The following DPP6 variants were observed in gnomAD, a reference collection of about 807,000 sequenced individuals.
DPP6 encodes dipeptidyl peptidase like 6, also known as A-type potassium channel modulatory protein DPP6.
In DPP6, 69 loss-of-function variants were observed where a neutral mutation model predicts 122.6. The ratio of observed to expected loss-of-function variants is 0.56; its 90% CI spans 0.46 to 0.69. The LOEUF is 0.69. Among genes scored for constraint, DPP6 ranks in the 30% least tolerant of loss-of-function variants. The probability of loss-of-function intolerance (pLI) is 0.00; values close to 1 mark genes in which losing one functional copy is unlikely to be tolerated. For missense variants in DPP6, 928 were observed against 1,116.9 expected (o/e 0.83, Z 2.41); for synonymous variants, 418 against 433.1 (o/e 0.97, Z 0.43).
chr7:154,772,766 C>A, intron 9 of DPP6, 79 bp from the exon 10 acceptor site: 1 of 1,551,988 alleles, frequency 6.4e-7, no homozygotes, highest in Non-Finnish European at 8.7e-7. Flanking sequence ...CGGAATCTCC[C>A]AGGAAAGGCT....
At chr7:154,405,440 TA>T (rs5888574) in intron 1 of DPP6, among the ~76,000 whole-genome samples, 13,309 of 152,288 alleles carry the variant, frequency 0.087, 662 homozygotes, top group East Asian at 0.12. Flanking sequence ...CTTGTTACTA[TA>T]AAAGTATTAC....
At chr7:154,451,361 CAAAA>C (rs397890050) in intron 2 of DPP6, among the ~76,000 whole-genome samples, 10 of 122,142 alleles carry the variant, frequency 8.2e-5, no homozygotes, top group Admixed American at 2.5e-4. Context: ...CCTGTCTCAC[CAAAA>C]AAAAAAAAAA....
At position 153,992,218 on chromosome 7, in the gene DPP6, C is replaced by T. The variant is rs542781613; in HGVS notation, c.51+104484C>T. ...ACCTCCCAAATCTATAAGGCCACCT[C>T]TACTTTGCTCTCAGCTCTATCTGTT... is the stretch of plus-strand genomic sequence containing the variant. On this transcript the variant is annotated intron_variant, in intron 1 of 25. Coordinates refer to the DPP6 transcript ENST00000404039. Among the ~76,000 whole-genome samples, 4 of 152,250 alleles carry T rather than the reference C, an allele frequency of 2.6e-5. No homozygotes were observed. The South Asian group carries it at 8.3e-4, about 32-fold the overall frequency.
At chr7:154,102,681 A>G (rs557788928) in intron 1 of DPP6, among the ~76,000 whole-genome samples, 116 of 152,256 alleles carry the variant, frequency 7.6e-4, no homozygotes, top group African/African-American at 2.6e-3. Flanking sequence ...CATATTGATC[A>G]AAAAAATCAC....
chr7:153,952,999 AT>A (rs1434392291), intron 1 of DPP6, among the ~76,000 whole-genome samples: 3 of 152,210 alleles, frequency 2.0e-5, no homozygotes, highest in African/African-American at 2.4e-5. Context: ...TATGTCCTGT[AT>A]TACAATCTTA....
chr7:153,798,618 T>A, the DPP6 span, among the ~76,000 whole-genome samples: 3 of 152,214 alleles, frequency 2.0e-5, no homozygotes, highest in Non-Finnish European at 4.4e-5. Context: ...TGAAGATAAT[T>A]GTTCCATGGA....
chr7:153,971,614 G>A (rs534641139), intron 1 of DPP6, among the ~76,000 whole-genome samples: 85 of 133,606 alleles, frequency 6.4e-4, no homozygotes, highest in Non-Finnish European at 2.5e-4. Context: ...GAGTTCCTGG[G>A]TTATGGAAAA....
intron 2 of DPP6, among the ~76,000 whole-genome samples, chr7:154,471,683 C>A (rs1358701852): frequency 6.6e-6 from 1 of 152,050 alleles, no homozygotes; most frequent in Non-Finnish European, 1.5e-5. Context: ...AACCAAGAAC[C>A]ACAAAGCATC....
At chr7:154,144,062 CA>C (rs1181419225) in intron 1 of DPP6, among the ~76,000 whole-genome samples, 14 of 151,706 alleles carry the variant, frequency 9.2e-5, no homozygotes, top group Non-Finnish European at 2.1e-4. Context: ...ATTCTCAACA[CA>C]AGGCTTTATC....
At chr7:154,061,187 C>A (rs1801813213) in intron 1 of DPP6, among the ~76,000 whole-genome samples, 1 of 141,028 alleles carries the variant, frequency 7.1e-6, no homozygotes, top group East Asian at 1.9e-4. Context: ...GGATCCCAAA[C>A]TGCAGTATTA....
chr7:154,490,809 T>A (rs1824214158), intron 3 of DPP6, among the ~76,000 whole-genome samples: 2 of 152,222 alleles, frequency 1.3e-5, no homozygotes, highest in Non-Finnish European at 2.9e-5. Context: ...ATTCAGACCC[T>A]GAGCCTCTGC....
At chr7:154,648,712 G>A (rs955335653) in intron 6 of DPP6, among the ~76,000 whole-genome samples, 8 of 152,136 alleles carry the variant, frequency 5.3e-5, no homozygotes, top group Admixed American at 5.2e-4. Context: ...AAGGTCAAGA[G>A]ATCAAGACCA....
intron 1 of DPP6, among the ~76,000 whole-genome samples, chr7:154,393,499 G>A (rs771471786): frequency 6.6e-6 from 1 of 151,882 alleles, no homozygotes; most frequent in Non-Finnish European, 1.5e-5. Flanking sequence ...ACTTAAAAGA[G>A]GGGAGTAGGC....
At chr7:154,021,759 A>G (rs1798710297) in intron 1 of DPP6, among the ~76,000 whole-genome samples, 1 of 152,124 alleles carries the variant, frequency 6.6e-6, no homozygotes, top group Non-Finnish European at 1.5e-5. Flanking sequence ...GTGTGCATTC[A>G]GCCTCAGTCT....
At chr7:154,734,526 A>C (rs1225724221) in intron 8 of DPP6, among the ~76,000 whole-genome samples, 1 of 152,210 alleles carries the variant, frequency 6.6e-6, no homozygotes, top group Non-Finnish European at 1.5e-5. Flanking sequence ...CAGGCAGTAC[A>C]ATGGGAATTG....
At chr7:153,991,720 C>T (rs977712087) in intron 1 of DPP6, among the ~76,000 whole-genome samples, 1 of 152,220 alleles carries the variant, frequency 6.6e-6, no homozygotes, top group African/African-American at 2.4e-5. Context: ...AGACAGCGGT[C>T]TGTGGGGTAT....
At chr7:154,518,841 A>AT (rs943314224) in intron 3 of DPP6, among the ~76,000 whole-genome samples, 68 of 151,814 alleles carry the variant, frequency 4.5e-4, no homozygotes, top group African/African-American at 1.5e-3. Flanking sequence ...TAATATCCCC[A>AT]TTTTTTTTCA....
At chr7:153,875,107 TA>T in the DPP6 span, among the ~76,000 whole-genome samples, 1 of 152,146 alleles carries the variant, frequency 6.6e-6, no homozygotes, top group Admixed American at 6.5e-5. Context: ...AGAGGAAGTC[TA>T]AAAAGCAGTC....
intron 4 of DPP6, among the ~76,000 whole-genome samples, chr7:154,541,389 C>T (rs897484137): frequency 2.0e-5 from 3 of 152,208 alleles, no homozygotes; most frequent in African/African-American, 4.8e-5. Flanking sequence ...CCTGCTTTGG[C>T]CTCCCAAAGT....
Sources: gnomAD v4.1 joint callset for allele counts (sites outside exome capture counted in the v4.1 genomes callset) on GRCh38, gnomAD v4.1.1 for gene constraint, MANE v1.5 for transcripts, NCBI Gene and HGNC (gene_info 2026-07-23, HGNC 2026-07-21) for gene names.